ARNT2: variants seen among roughly 807,000 people sequenced by gnomAD.
ARNT2 encodes aryl hydrocarbon receptor nuclear translocator 2, also known as ARNT protein 2.
Under a neutral mutation model 91.7 loss-of-function variants are expected in ARNT2, and 36 were observed. The observed-to-expected ratio is 0.39, with a 90% CI of 0.30 to 0.52. The LOEUF (loss-of-function observed/expected upper bound fraction) is 0.52. Among genes scored for constraint, ARNT2 ranks in the 20% least tolerant of loss-of-function variants. The pLI is 0.72. For synonymous variants in ARNT2, 365 were observed against 347.1 expected (o/e 1.05, Z -0.57); for missense variants, 775 against 939.3 (o/e 0.83, Z 2.29).
At chr15:80,515,438 T>C (rs559437398) in intron 8 of ARNT2, among the ~76,000 whole-genome samples, 2 of 152,350 alleles carry the variant, frequency 1.3e-5, no homozygotes, top group African/African-American at 4.8e-5. Context: ...TGCTATATTA[T>C]GGACAAATCT....
intron 1 of ARNT2, among the ~76,000 whole-genome samples, chr15:80,441,587 C>T (rs1441121348): frequency 6.6e-6 from 1 of 152,004 alleles, no homozygotes; most frequent in Non-Finnish European, 1.5e-5. Flanking sequence ...TTGATTTTTT[C>T]CCAATGTAAA....
chr15:80,573,789 C>T (rs928108366), intron 12 of ARNT2, among the ~76,000 whole-genome samples: 8 of 152,306 alleles, frequency 5.3e-5, no homozygotes, highest in Admixed American at 2.0e-4. Flanking sequence ...TGTAAACACC[C>T]GCCCGTTTAT....
At chr15:80,574,111 GTTC>G in intron 12 of ARNT2, 34 bp from the exon 13 acceptor site, 1 of 1,599,764 alleles carries the variant, frequency 6.3e-7, no homozygotes, top group Non-Finnish European at 8.6e-7. Flanking sequence ...CACCCCTTCT[GTTC>G]TTCATGACCC....
At position 80,580,464 on chromosome 15, in the gene ARNT2, C is replaced by T. The variant is rs202101392; in HGVS notation, c.1667C>T (p.Thr556Met). The T allele has an allele frequency of 1.9e-5, 31 of 1,614,040 alleles. No homozygotes were observed. Among genetic ancestry groups the T allele is most frequent in the African/African-American group, 4.0e-5 (3 of 74,916 alleles). ...AATGATATTCAGTCCTCTTCTTCCA[C>T]GGGCCAGAACATGTCCCAAATCTCC... ...GVNDIQSSSS[T>M]GQNMSQISRQ... is the part of the protein sequence containing the mutation. Residue 556 changes from threonine to methionine, a missense_variant, in exon 16 of 19, where the codon ACG becomes ATG. Around this residue, in one of 5 missense-constraint regions of ARNT2, gnomAD observed 325 missense variants for 359.9 expected, o/e 0.90. Coordinates refer to ENST00000303329, the MANE Select transcript of ARNT2 (RefSeq NM_014862.4).
chr15:80,538,096 C>T (rs74027832), intron 8 of ARNT2, among the ~76,000 whole-genome samples: 1,796 of 151,920 alleles, frequency 0.012, 36 homozygotes, highest in African/African-American at 0.042. Context: ...ATTGCCAAAA[C>T]GAAGAGTTCA....
intron 1 of ARNT2, among the ~76,000 whole-genome samples, chr15:80,406,363 C>A (rs1439131495): frequency 6.6e-6 from 1 of 152,160 alleles, no homozygotes; most frequent in African/African-American, 2.4e-5. Context: ...TTGCCTGTGA[C>A]TGAAGCTGCA....
At chr15:80,578,769 A>G (rs982680812) in intron 15 of ARNT2, among the ~76,000 whole-genome samples, 4 of 152,088 alleles carry the variant, frequency 2.6e-5, no homozygotes, top group African/African-American at 9.7e-5. Flanking sequence ...GCTGAGTACT[A>G]GTCTGTAAAA....
chr15:80,436,563 A>G (rs1896089791), intron 1 of ARNT2, among the ~76,000 whole-genome samples: 1 of 152,150 alleles, frequency 6.6e-6, no homozygotes, highest in East Asian at 1.9e-4. Flanking sequence ...CAGGACACCC[A>G]CATCCTCCAG....
At position 80,475,983 on chromosome 15, in the gene ARNT2, C is replaced by T. The variant is rs147124052; in HGVS notation, c.622+760C>T. Reference sequence around the variant, plus strand: ...TGCAATTCAAAACTATAGGGCTTATCGAGAAAAAGTGGTTTAGAAGAACAA... The same window carrying T: ...TGCAATTCAAAACTATAGGGCTTATTGAGAAAAAGTGGTTTAGAAGAACAA... On this transcript the variant is annotated intron_variant, in intron 5 of 18. Coordinates refer to ENST00000303329, the MANE Select transcript of ARNT2 (RefSeq NM_014862.4). 6.7e-3 allele frequency among the ~76,000 whole-genome samples: 1,013 copies of T among 152,022 alleles called. 8 individuals carry two copies. The highest frequency in any genetic ancestry group is 0.023 in the African/African-American group (954 of 41,442).
chr15:80,569,843 G>T lies in ARNT2; in HGVS notation c.1317-4305G>T, dbSNP rs74027854. On this transcript the variant is annotated intron_variant, in intron 12 of 18. Coordinates refer to ENST00000303329, the MANE Select transcript of ARNT2 (RefSeq NM_014862.4). Reference sequence around the variant, plus strand: ...GAGGGCCAGGTTTGTGCCCCACTTCGCCCCTTGGCCAGGCATCCGGGGCAC... The same window carrying T: ...GAGGGCCAGGTTTGTGCCCCACTTCTCCCCTTGGCCAGGCATCCGGGGCAC... Among the ~76,000 whole-genome samples, 1,443 of 152,302 alleles carry T rather than the reference G, an allele frequency of 9.5e-3. 23 individuals are homozygous for T. The highest frequency in any genetic ancestry group is 0.033 in the African/African-American group (1,388 of 41,556).
chr15:80,508,343 G>A (rs113905151), intron 6 of ARNT2, 85 bp downstream of exon 6: 103 of 1,365,754 alleles, frequency 7.5e-5, no homozygotes, highest in Middle Eastern at 2.3e-4. Context: ...CAGCTCTGCC[G>A]CAGTCACACA....
At chr15:80,493,365 G>T (rs1224828129) in intron 5 of ARNT2, among the ~76,000 whole-genome samples, 1 of 151,564 alleles carries the variant, frequency 6.6e-6, no homozygotes, top group Non-Finnish European at 1.5e-5. Flanking sequence ...GGGTGGGGGT[G>T]GGGGATTTGT....
At chr15:80,508,320 T>A in intron 6 of ARNT2, 62 bp downstream of exon 6, 1 of 1,551,082 alleles carries the variant, frequency 6.4e-7, no homozygotes, top group Non-Finnish European at 8.9e-7. Context: ...CTGTCACCGT[T>A]AAGAGCCTTG....
chr15:80,516,476 A>G (rs1221472478), intron 8 of ARNT2, among the ~76,000 whole-genome samples: 1 of 152,292 alleles, frequency 6.6e-6, no homozygotes, highest in East Asian at 1.9e-4. Flanking sequence ...TGAAATTAAT[A>G]GAGTTTCTTC....
At chr15:80,581,192 G>A (rs1462074788) in intron 16 of ARNT2, 47 bp from the exon 17 acceptor site, 1 of 1,606,740 alleles carries the variant, frequency 6.2e-7, no homozygotes, top group Admixed American at 1.7e-5. Context: ...GGGGTGCAGG[G>A]GTCTGCTGGT....
intron 8 of ARNT2, among the ~76,000 whole-genome samples, chr15:80,543,999 C>T (rs2141451320): frequency 6.6e-6 from 1 of 152,232 alleles, no homozygotes; most frequent in Admixed American, 6.5e-5. Flanking sequence ...CTTCAGCCTC[C>T]CAAAGTGCTG....
Position 80,551,287 on chromosome 15 carries a change from T to C in ARNT2, c.954+12T>C. On this transcript the variant is annotated intron_variant, in intron 9 of 18. Transcript: ENST00000303329. ...TTGGGAGACTCCAGGTAAGAAAAAA[T>C]TCGTAGCCTTTTTAATCTTAAATGA... 6.2e-7 allele frequency: 1 copy of C among 1,610,500 alleles called. No homozygotes were observed. Among genetic ancestry groups the C allele is most frequent in the African/African-American group, 1.3e-5 (1 of 74,934 alleles).
intron 9 of ARNT2, 69 bp downstream of exon 9, chr15:80,551,344 C>G (rs556885872): frequency 8.4e-6 from 12 of 1,428,064 alleles, no homozygotes; most frequent in Non-Finnish European, 1.2e-5. Context: ...AGAAGACTGT[C>G]GGTTTGGCTG....
rs1410633504 is a variant in ARNT2, at chr15:80,493,243, T to G, written c.623-14913T>G. 2.0e-5 allele frequency among the ~76,000 whole-genome samples: 3 copies of G among 152,162 alleles called. No homozygotes were observed. In the East Asian group the frequency reaches 5.8e-4, roughly 29 times the overall value. On this transcript the variant is annotated intron_variant, in intron 5 of 18. Coordinates refer to ENST00000303329, the MANE Select transcript of ARNT2 (RefSeq NM_014862.4). Reference sequence around the variant, plus strand: ...ATGAGGGCTCTGCCCTCCTGAGGCCTTATGACTTGATCACCTCTTAAAGGT... The same window carrying G: ...ATGAGGGCTCTGCCCTCCTGAGGCCGTATGACTTGATCACCTCTTAAAGGT...
Sources: gnomAD v4.1 joint callset for allele counts (sites outside exome capture counted in the v4.1 genomes callset) on GRCh38, gnomAD v4.1.1 for gene constraint, gnomAD v4.1.1 regional missense constraint, MANE v1.5 for transcripts, NCBI Gene and HGNC (gene_info 2026-07-23, HGNC 2026-07-21) for gene names.